Variants in IL1RAPL2 observed in about 807,000 individuals in gnomAD.
IL1RAPL2 encodes the protein interleukin 1 receptor accessory protein like 2, also known as X-linked interleukin-1 receptor accessory protein-like 2.
A neutral mutation model predicts 44.1 loss-of-function variants in IL1RAPL2; 3 were observed. The observed-to-expected ratio is 0.07, with a 90% CI of 0.03 to 0.18. The LOEUF (loss-of-function observed/expected upper bound fraction) is 0.18, where lower values mean the gene tolerates loss of function less well. Among genes scored for constraint, IL1RAPL2 ranks in the 10% least tolerant of loss-of-function variants. The pLI is 1.00. For missense variants in IL1RAPL2, 391 were observed against 496.4 expected (o/e 0.79, Z 2.02); for synonymous variants, 181 against 178.8 (o/e 1.01, Z -0.10).
intron 2 of IL1RAPL2, among the ~76,000 whole-genome samples, chrX:104,949,839 G>C (rs1378577163): frequency 1.8e-5 from 2 of 111,111 alleles, no homozygotes; most frequent in Non-Finnish European, 3.8e-5. Context: ...TTACTTCCAA[G>C]TATGTGGTCA....
chrX:104,809,465 C>T (rs1932954566), intron 2 of IL1RAPL2, among the ~76,000 whole-genome samples: 1 of 111,379 alleles, frequency 9.0e-6, no homozygotes, highest in Non-Finnish European at 1.9e-5. Context: ...ATTTGCATTT[C>T]TCTGATGGCC....
At chrX:104,981,644 TTTC>T (rs2030441887) in intron 2 of IL1RAPL2, among the ~76,000 whole-genome samples, 1 of 110,968 alleles carries the variant, frequency 9.0e-6, no homozygotes, top group Non-Finnish European at 1.9e-5. Flanking sequence ...TGGGCATCTT[TTTC>T]TTCTTCTGAT....
chrX:104,992,997 G>T (rs1173308718), intron 2 of IL1RAPL2, among the ~76,000 whole-genome samples: 2 of 111,358 alleles, frequency 1.8e-5, no homozygotes, highest in Non-Finnish European at 3.8e-5. Flanking sequence ...ATTGTGGTCT[G>T]GCAGCTGAGC....
At chrX:104,650,758 G>A (rs775039066) in intron 1 of IL1RAPL2, among the ~76,000 whole-genome samples, 9 of 111,866 alleles carry the variant, frequency 8.0e-5, no homozygotes, top group Non-Finnish European at 9.4e-5. Flanking sequence ...TGAGGTTATA[G>A]TTCCTTGAAG....
chrX:105,075,170 C>T (rs2032274127), intron 2 of IL1RAPL2, among the ~76,000 whole-genome samples: 1 of 111,254 alleles, frequency 9.0e-6, no homozygotes, highest in Non-Finnish European at 1.9e-5. Context: ...ATGATATTGG[C>T]TGTGGGTTTG....
intron 6 of IL1RAPL2, among the ~76,000 whole-genome samples, chrX:105,560,731 T>C (rs2036930034): frequency 9.0e-6 from 1 of 110,983 alleles, no homozygotes; most frequent in South Asian, 3.7e-4. Context: ...TCATGTAGGC[T>C]TTTATAAAAT....
At chrX:104,803,279 A>T (rs1932897381) in intron 2 of IL1RAPL2, among the ~76,000 whole-genome samples, 1 of 111,987 alleles carries the variant, frequency 8.9e-6, no homozygotes, top group Non-Finnish European at 1.9e-5. Flanking sequence ...TTAATTTTCA[A>T]ATATTTCTTG....
chrX:105,458,244 A>G (rs1193280144), intron 5 of IL1RAPL2, among the ~76,000 whole-genome samples: 1 of 111,371 alleles, frequency 9.0e-6, no homozygotes, highest in Non-Finnish European at 1.9e-5. Flanking sequence ...AGGTTTGCAA[A>G]TATTTTCTCC....
chrX:104,585,811 A>G (rs1260984284), intron 1 of IL1RAPL2, among the ~76,000 whole-genome samples: 1 of 110,947 alleles, frequency 9.0e-6, no homozygotes, highest in Admixed American at 9.7e-5. Context: ...TCCATGGTGT[A>G]TATGTACTAC....
intron 5 of IL1RAPL2, among the ~76,000 whole-genome samples, chrX:105,289,847 G>T (rs1222575339): frequency 9.0e-6 from 1 of 111,699 alleles, no homozygotes; most frequent in Admixed American, 9.5e-5. Flanking sequence ...ACTGAAGAAT[G>T]TAGATAGAAT....
chrX:105,130,380 A>G (rs1170255552), intron 2 of IL1RAPL2, among the ~76,000 whole-genome samples: 4 of 111,622 alleles, frequency 3.6e-5, no homozygotes, highest in Non-Finnish European at 7.6e-5. Context: ...ACCGCCGACC[A>G]TTTGAGAAGT....
intron 2 of IL1RAPL2, among the ~76,000 whole-genome samples, chrX:104,826,260 A>C (rs1356267711): frequency 1.8e-5 from 2 of 111,499 alleles, no homozygotes; most frequent in African/African-American, 6.5e-5. Flanking sequence ...AGTGCTATGA[A>C]TTTTCCTCTA....
At chrX:104,573,758 A>C (rs1928190811) in intron 1 of IL1RAPL2, among the ~76,000 whole-genome samples, 1 of 112,450 alleles carries the variant, frequency 8.9e-6, no homozygotes, top group Non-Finnish European at 1.9e-5. Flanking sequence ...GTACTTGTGT[A>C]GGATCAGACA....
intron 7 of IL1RAPL2, among the ~76,000 whole-genome samples, chrX:105,731,559 C>T: frequency 9.0e-6 from 1 of 110,849 alleles, no homozygotes; most frequent in Admixed American, 9.6e-5. Context: ...ATGGAATCAA[C>T]CTAAGTGTCC....
chrX:105,294,309 C>T (rs2034638964), intron 5 of IL1RAPL2, among the ~76,000 whole-genome samples: 1 of 112,434 alleles, frequency 8.9e-6, no homozygotes, highest in Admixed American at 9.4e-5. Flanking sequence ...TCCCATTCAA[C>T]ATAGATGTGA....
intron 5 of IL1RAPL2, among the ~76,000 whole-genome samples, chrX:105,437,173 G>A (rs796407742): frequency 1.8e-5 from 2 of 109,520 alleles, no homozygotes; most frequent in Admixed American, 9.9e-5. Context: ...ATGTCACCCA[G>A]TACTTTATTT....
intron 2 of IL1RAPL2, among the ~76,000 whole-genome samples, chrX:105,060,036 CCTT>C (rs1231833811): frequency 8.9e-6 from 1 of 111,897 alleles, no homozygotes; most frequent in African/African-American, 3.3e-5. Context: ...AAACTCTTCT[CCTT>C]AGTGCTTGTA....
At chrX:104,947,192 T>C (rs1490629497) in intron 2 of IL1RAPL2, among the ~76,000 whole-genome samples, 2 of 112,051 alleles carry the variant, frequency 1.8e-5, no homozygotes, top group Non-Finnish European at 3.8e-5. Context: ...TTTCATGTGT[T>C]TTTTGGCTGC....
At chrX:104,995,875 AG>A (rs1366056386) in intron 2 of IL1RAPL2, among the ~76,000 whole-genome samples, 1 of 111,716 alleles carries the variant, frequency 9.0e-6, no homozygotes, top group Non-Finnish European at 1.9e-5. Flanking sequence ...AGCAACCTGC[AG>A]GGTTCCAAAC....
Sources: allele counts gnomAD v4.1 joint callset (sites outside exome capture counted in the v4.1 genomes callset), GRCh38; gene constraint gnomAD v4.1.1; transcripts MANE v1.5; gene names NCBI Gene and HGNC (gene_info 2026-07-23, HGNC 2026-07-21).